The following MORN3 variants were observed in gnomAD, a reference collection of about 807,000 sequenced individuals.
MORN3 encodes the protein MORN repeat containing 3, also known as MORN repeat-containing protein 3.
A neutral mutation model predicts 34.7 loss-of-function variants in MORN3; 38 were observed. That is an observed-to-expected ratio of 1.10 (90% confidence interval 0.85 to 1.44). MORN3 has a LOEUF of 1.44. MORN3 is among the 40% of genes most tolerant of loss of function. MORN3 has a pLI of 0.00. For synonymous variants in MORN3, 109 were observed against 115.3 expected (o/e 0.95, Z 0.35); for missense variants, 311 against 321.7 (o/e 0.97, Z 0.25).
At chr12:121,658,418 T>C (rs1555325920) in intron 2 of MORN3, among the ~76,000 whole-genome samples, 1 of 151,144 alleles carries the variant, frequency 6.6e-6, no homozygotes, top group East Asian at 2.0e-4. Flanking sequence ...TACAAAAAAT[T>C]AGCCGGGCGT....
At position 121,654,293 on chromosome 12, in the gene MORN3, C is replaced by A; in HGVS notation, c.444G>T (p.Gly148=). ...ACTCACTCAGGCGCAGCATGCCCTCCCCGTTGGGCTTGTCGTTCTCCCACT... is the reference window on the plus strand; with the variant it reads ...ACTCACTCAGGCGCAGCATGCCCTCACCGTTGGGCTTGTCGTTCTCCCACT... ...EGQWENDKPN[G]EGMLRLKNGN... is the part of the protein sequence containing the mutation. The change falls in exon 3 of 6, where the codon GGG becomes GGT. Residue 148 remains glycine, a synonymous_variant. Transcript: ENST00000355329. The A allele has an allele frequency of 6.3e-7, 1 of 1,589,934 alleles. No homozygotes were observed.
chr12:121,659,141 A>ACACACACACACGCGCG, intron 2 of MORN3, 50 bp downstream of exon 2: 1 of 375,918 alleles, frequency 2.7e-6, no homozygotes, highest in Non-Finnish European at 3.8e-6. Flanking sequence ...ACGCGCGCAC[A>ACACACACACACGCGCG]CACACACACA....
rs145708681 is a variant in MORN3, at chr12:121,652,905, T to C, written c.649-97A>G. ...CCTGCCGTGTGGGGTGCTGCCAGCC[T>C]CATCAGGAGCCACCTCCCTTGCTAG... On this transcript the variant is annotated intron_variant, in intron 4 of 5. Coordinates refer to ENST00000355329, the MANE Select transcript of MORN3 (RefSeq NM_173855.5). The C allele has an allele frequency of 2.5e-4, 374 of 1,467,610 alleles. No homozygotes were observed. In the African/African-American group the frequency reaches 4.2e-3, roughly 17 times the overall value. 90.9% of individuals were successfully genotyped at this position (1,467,610 alleles called of 1,614,324 possible). A position where few individuals can be genotyped will look rare whatever the true frequency, so the allele number is the denominator to read the frequency against.
Position 121,648,808 on chromosome 12 carries a change from A to G in MORN3, c.*2843T>C, listed in dbSNP as rs1299485830. On this transcript the variant is annotated 3_prime_UTR_variant, in exon 6 of 6. Coordinates refer to ENST00000355329, the MANE Select transcript of MORN3 (RefSeq NM_173855.5). ...ACATTCACATGGTTCCAAACACAAC[A>G]CTGAAAAGTTGTTCTTCAGCTCCTG... is the stretch of plus-strand genomic sequence containing the variant. 6.6e-6 allele frequency: 1 copy of G among 152,132 alleles called. No homozygotes were observed. The highest frequency in any genetic ancestry group is 2.4e-5 in the African/African-American group (1 of 41,426). The allele number at this position is 152,132 out of a possible 1,614,324, so 9.4% of individuals were successfully genotyped here. A position where few individuals can be genotyped will look rare whatever the true frequency, so the allele number is the denominator to read the frequency against.
chr12:121,654,296 G>A lies in MORN3; in HGVS notation c.441C>T (p.Asn147=), dbSNP rs1374840427. The A allele has an allele frequency of 5.0e-6, 8 of 1,592,174 alleles. No homozygotes were observed. Among genetic ancestry groups the A allele is most frequent in the South Asian group, 1.1e-5 (1 of 87,800 alleles). Residue 147 remains asparagine (N), a synonymous_variant, in exon 3 of 6, where the codon AAC becomes AAT. Coordinates refer to ENST00000355329, the MANE Select transcript of MORN3 (RefSeq NM_173855.5). Reference sequence around the variant, plus strand: ...CACTCAGGCGCAGCATGCCCTCCCCGTTGGGCTTGTCGTTCTCCCACTGTC... The same window carrying A: ...CACTCAGGCGCAGCATGCCCTCCCCATTGGGCTTGTCGTTCTCCCACTGTC... ...YEGQWENDKP[N]GEGMLRLKNG...
intron 4 of MORN3, 118 bp from the exon 5 acceptor site, chr12:121,652,926 G>A (rs370519250): frequency 9.1e-6 from 13 of 1,428,318 alleles, no homozygotes; most frequent in East Asian, 4.6e-5. Context: ...CACCTCCCTT[G>A]CTAGGGATGC....
upstream of MORN3, chr12:121,669,708 T>G (rs1893890046): frequency 2.2e-6 from 1 of 456,290 alleles, no homozygotes; most frequent in Non-Finnish European, 4.0e-6. Flanking sequence ...CCAGGGGGTC[T>G]GATGGCACAA....
At chr12:121,660,920 C>T (rs990198583) in intron 1 of MORN3, among the ~76,000 whole-genome samples, 2 of 151,556 alleles carry the variant, frequency 1.3e-5, no homozygotes, top group African/African-American at 2.4e-5. Context: ...CTGTCCGCCT[C>T]GGCTTCCCAA....
At chr12:121,652,093 G>A (rs1000121670) in intron 5 of MORN3, among the ~76,000 whole-genome samples, 11 of 151,478 alleles carry the variant, frequency 7.3e-5, no homozygotes, top group East Asian at 2.0e-4. Flanking sequence ...CCTCCCCCAC[G>A]CCCAGCTAAT....
chr12:121,668,284 T>C (rs1893834339), intron 1 of MORN3, among the ~76,000 whole-genome samples: 1 of 151,464 alleles, frequency 6.6e-6, no homozygotes. Flanking sequence ...GCTAAACGCC[T>C]GTAATCCCAG....
In MORN3 at chr12:121,665,448, G is replaced by A. The variant is rs1156956655; in HGVS notation, c.145+3891C>T. On this transcript the variant is annotated intron_variant, in intron 1 of 5. Coordinates refer to ENST00000355329, the MANE Select transcript of MORN3 (RefSeq NM_173855.5). ...TGGGACTACAGGCGCCCGCCACCAC[G>A]CCCGGCTAATTTTTTGGATTAGAAA... 3.3e-5 allele frequency among the ~76,000 whole-genome samples: 5 copies of A among 149,392 alleles called. 1 individual carries two copies. Among genetic ancestry groups the A allele is most frequent in the Admixed American group, 2.7e-4 (4 of 14,924 alleles).
At position 121,649,928 on chromosome 12, in the gene MORN3, C is replaced by T. The variant is rs1385693615; in HGVS notation, c.*1723G>A. ...TGCTTAACCGCATCCCTGGTCTCTACTCACTCAATGCCAGTAGCCTTCTTC... is the reference window on the plus strand; with the variant it reads ...TGCTTAACCGCATCCCTGGTCTCTATTCACTCAATGCCAGTAGCCTTCTTC... On this transcript the variant is annotated 3_prime_UTR_variant, in exon 6 of 6. Transcript: ENST00000355329. The T allele has an allele frequency of 6.8e-6, 1 of 147,688 alleles. No homozygotes were observed. The highest frequency in any genetic ancestry group is 1.5e-5 in the Non-Finnish European group (1 of 67,576). 9.1% of individuals were successfully genotyped at this position (147,688 alleles called of 1,614,324 possible).
At chr12:121,661,019 G>A (rs1008010467) in intron 1 of MORN3, among the ~76,000 whole-genome samples, 3 of 151,798 alleles carry the variant, frequency 2.0e-5, no homozygotes, top group Non-Finnish European at 2.9e-5. Context: ...CTATGCTGAC[G>A]TACACAGCTC....
At chr12:121,651,871 T>A (rs543213138) in intron 5 of MORN3, among the ~76,000 whole-genome samples, 4 of 152,026 alleles carry the variant, frequency 2.6e-5, no homozygotes, top group Admixed American at 2.0e-4. Flanking sequence ...TGGCCCAGGG[T>A]GCAAATAGAA....
rs1893217293 is a variant in MORN3, at chr12:121,650,085, A to C, written c.*1566T>G. ...TCTCATCCTCACAGTAACTAACCAC[A>C]GTAACCCCAGGTGGTAAGTACTGTT... is the stretch of plus-strand genomic sequence containing the variant. On this transcript the variant is annotated 3_prime_UTR_variant, in exon 6 of 6. Transcript: ENST00000355329. The C allele has an allele frequency of 6.6e-6, 1 of 152,020 alleles. No homozygotes were observed. Among genetic ancestry groups the C allele is most frequent in the Non-Finnish European group, 1.5e-5 (1 of 68,000 alleles). 9.4% of individuals were successfully genotyped at this position (152,020 alleles called of 1,614,324 possible).
At position 121,652,820 on chromosome 12, in the gene MORN3, T is replaced by C; in HGVS notation, c.649-12A>G. 6.2e-7 allele frequency: 1 copy of C among 1,614,102 alleles called. No homozygotes were observed. Among genetic ancestry groups the C allele is most frequent in the Non-Finnish European group, 8.5e-7 (1 of 1,179,944 alleles). On this transcript the variant is annotated splice_polypyrimidine_tract_variant and intron_variant, in intron 4 of 5. Transcript: ENST00000355329. ...TCTAGGATTTTGACCTGGAGGGAAA[T>C]ACCAAGAAGTTGGTTTGGAGAGCAT...
In MORN3 at chr12:121,653,203, G is replaced by T. The variant is rs200961508; in HGVS notation, c.520C>A (p.Arg174Ser). The change falls in exon 4 of 6, where the codon CGT (arginine) becomes AGT (serine). Residue 174 changes from arginine (R) to serine (S), a missense_variant. Coordinates refer to ENST00000355329, the MANE Select transcript of MORN3 (RefSeq NM_173855.5). The part of the protein sequence containing the change: ...WERGMKNGAG[R>S]FFHLDHGQLF... ...TGGCCGTGGTCCAGATGGAAGAAAC[G>T]CCCCGCCCCGTTCTTCATGCCTCTC... 1 of 1,614,152 alleles carries T rather than the reference G, an allele frequency of 6.2e-7. No individual in the cohort carries two copies. The highest frequency in any genetic ancestry group is 8.5e-7 in the Non-Finnish European group (1 of 1,180,026).
chr12:121,663,758 T>A lies in MORN3; in HGVS notation c.146-4410A>T, dbSNP rs559759278. ...AATGTTAGCCTTTATTGGTTTTTTT[T>A]ATTTTTTTATTTTTTTTTTCCTCTC... On this transcript the variant is annotated intron_variant, in intron 1 of 5. Transcript: ENST00000355329. 4.3e-4 allele frequency among the ~76,000 whole-genome samples: 66 copies of A among 151,772 alleles called. No individual in the cohort carries two copies. In the South Asian group the frequency reaches 8.5e-3, roughly 20 times the overall value.
intron 1 of MORN3, among the ~76,000 whole-genome samples, chr12:121,661,916 G>A (rs1566483727): frequency 6.6e-6 from 1 of 151,384 alleles, no homozygotes; most frequent in Non-Finnish European, 1.5e-5. Context: ...AGGGAGGAAG[G>A]GAGGAAGGAA....
Sources: gnomAD v4.1 joint callset for allele counts (sites outside exome capture counted in the v4.1 genomes callset) on GRCh38, gnomAD v4.1.1 for gene constraint, MANE v1.5 for transcripts, NCBI Gene and HGNC (gene_info 2026-07-23, HGNC 2026-07-21) for gene names.